The following PTPRE variants were observed in gnomAD, a reference collection of about 807,000 sequenced individuals.
PTPRE encodes receptor-type tyrosine-protein phosphatase epsilon.
In PTPRE, 51 loss-of-function variants were observed where a neutral mutation model predicts 102.0. The observed-to-expected ratio is 0.50, with a 90% CI of 0.40 to 0.63. The LOEUF is 0.63. PTPRE is among the 30% of genes least tolerant of loss of function. PTPRE has a pLI of 0.00. For synonymous variants in PTPRE, 345 were observed against 348.2 expected, an observed-to-expected ratio of 0.99 and a Z score of 0.10; for missense variants, 752 against 915.1, an observed-to-expected ratio of 0.82 and a Z score of 2.30.
intron 1 of PTPRE, among the ~76,000 whole-genome samples, chr10:127,927,524 C>T (rs189021967): frequency 6.6e-6 from 1 of 152,278 alleles, no homozygotes; most frequent in Admixed American, 6.5e-5. Flanking sequence ...TGTTCAGGGC[C>T]ATGTAACCAG....
intron 2 of PTPRE, chr10:127,999,408 C>T (rs1167037142): frequency 9.3e-6 from 3 of 323,898 alleles, no homozygotes; most frequent in South Asian, 2.4e-4. Flanking sequence ...ATGTGAACCA[C>T]GGGGGGAATC....
At position 127,907,248 on chromosome 10, in the gene PTPRE, G is replaced by T. The variant is rs1845534387; in HGVS notation, c.-92G>T. The stretch of plus-strand genomic sequence containing the variant: ...GCGCCCCGGAGGGCGGCGGGCAGGC[G>T]CCCGGGAGATGCGGAGCCTCCGCTG... On this transcript the variant is annotated 5_prime_UTR_variant, in exon 1 of 21. Coordinates refer to ENST00000254667, the MANE Select transcript of PTPRE (RefSeq NM_006504.6). This position sits in a 1 kb window ranked among gnomAD's most constrained non-coding sequence, Gnocchi z 4.8. 1 of 984,576 alleles carries T rather than the reference G, an allele frequency of 1.0e-6. No individual in the cohort carries two copies. Among genetic ancestry groups the T allele is most frequent in the Non-Finnish European group, 1.2e-6 (1 of 829,654 alleles). 61.0% of individuals were successfully genotyped at this position (984,576 alleles called of 1,614,324 possible). A position where few individuals can be genotyped will look rare whatever the true frequency, so the allele number is the denominator to read the frequency against.
In PTPRE at chr10:128,020,166, C is replaced by T. The variant is rs745898969; in HGVS notation, c.-7-20709C>T. Among the ~76,000 whole-genome samples, 8 of 152,300 alleles carry T rather than the reference C, an allele frequency of 5.3e-5. No individual in the cohort carries two copies. In the East Asian group the frequency reaches 9.6e-4, roughly 18 times the overall value. ...GCTCAAAGCAAGAATAATTAATAAG[C>T]CCACACTTTTCCACAGCAGACCTTC... On this transcript the variant is annotated intron_variant, in intron 2 of 20. Transcript: ENST00000254667.
At chr10:128,077,436 CCTT>C (rs1280355090) in intron 18 of PTPRE, among the ~76,000 whole-genome samples, 178 bp from the exon 19 acceptor site, 4 of 152,182 alleles carry the variant, frequency 2.6e-5, no homozygotes, top group African/African-American at 7.2e-5. Context: ...CAGCCACCTG[CCTT>C]CTTCTTTAGG....
intron 1 of PTPRE, among the ~76,000 whole-genome samples, chr10:127,957,948 C>A (rs910977394): frequency 6.6e-5 from 10 of 152,168 alleles, no homozygotes; most frequent in African/African-American, 2.4e-4. Flanking sequence ...TTTAGGGATG[C>A]TAATATAAAT....
At chr10:127,927,779 G>T (rs1445499510) in intron 1 of PTPRE, among the ~76,000 whole-genome samples, 1 of 152,168 alleles carries the variant, frequency 6.6e-6, no homozygotes, top group African/African-American at 2.4e-5. Context: ...GGGTAGTTTA[G>T]TCGTATCAGT....
intron 2 of PTPRE, among the ~76,000 whole-genome samples, chr10:127,988,000 C>T (rs947937392): frequency 1.3e-5 from 2 of 152,200 alleles, no homozygotes; most frequent in Non-Finnish European, 1.5e-5. Flanking sequence ...GCGATATTGT[C>T]GGCTGCAGAT....
intron 1 of PTPRE, among the ~76,000 whole-genome samples, chr10:127,927,675 C>T (rs565101699): frequency 7.9e-5 from 12 of 152,280 alleles, no homozygotes; most frequent in African/African-American, 2.6e-4. Context: ...AGTTTTGTGC[C>T]ACCTTCTGGA....
Position 128,085,606 on chromosome 10 carries a change from ATTCTT to A in PTPRE, c.*2703_*2707del, listed in dbSNP as rs1444330464. 2.6e-5 allele frequency: 4 copies of A among 152,670 alleles called. No individual in the cohort carries two copies. Among genetic ancestry groups the A allele is most frequent in the African/African-American group, 9.7e-5 (4 of 41,438 alleles). 9.5% of individuals were successfully genotyped at this position (152,670 alleles called of 1,614,324 possible). A position where few individuals can be genotyped will look rare whatever the true frequency, so the allele number is the denominator to read the frequency against. ...CAGCATTTGGAGACATCCCCATGTT[ATTCTT>A]TTAAGTGTATAATTACTGATACTTT... is the stretch of plus-strand genomic sequence containing the variant. On this transcript the variant is annotated 3_prime_UTR_variant, in exon 21 of 21. Transcript: ENST00000254667.
At chr10:127,999,494 C>G (rs1361414806) in intron 2 of PTPRE, 1 of 980,888 alleles carries the variant, frequency 1.0e-6, no homozygotes, top group Non-Finnish European at 1.2e-6. Flanking sequence ...GCAGGGCGCT[C>G]TCGCCTTCTG....
chr10:127,932,521 C>G (rs1346179928), intron 1 of PTPRE, among the ~76,000 whole-genome samples: 1 of 152,202 alleles, frequency 6.6e-6, no homozygotes, highest in Non-Finnish European at 1.5e-5. Context: ...TCTCTCCAGC[C>G]TTTTGCGCAT....
intron 2 of PTPRE, among the ~76,000 whole-genome samples, chr10:127,984,781 T>C (rs1851942973): frequency 6.6e-6 from 1 of 152,204 alleles, no homozygotes; most frequent in Admixed American, 6.5e-5. Context: ...GAGACGTGCC[T>C]TTCACCTTCA....
chr10:128,007,259 C>A (rs1467056989), intron 2 of PTPRE, among the ~76,000 whole-genome samples: 4 of 152,080 alleles, frequency 2.6e-5, no homozygotes, highest in African/African-American at 7.2e-5. Context: ...TTTCATAAAC[C>A]TTTTGGCTAG....
intron 1 of PTPRE, among the ~76,000 whole-genome samples, chr10:127,950,081 C>T (rs1848908640): frequency 6.6e-6 from 1 of 152,012 alleles, no homozygotes; most frequent in African/African-American, 2.4e-5. Context: ...GAAGTCCCAG[C>T]AGCCCCTACA....
In PTPRE at chr10:128,047,746, G is replaced by A. The variant is rs7911904; in HGVS notation, c.210-18G>A. On this transcript the variant is annotated intron_variant, in intron 4 of 20. Coordinates refer to ENST00000254667, the MANE Select transcript of PTPRE (RefSeq NM_006504.6). ...GAACCTAGAAGTGTGGAAACCTAAC[G>A]CATCCTGTGTCTCTAAGGTTCAGGA... 1,259,636 of 1,611,744 alleles carry A rather than the reference G, an allele frequency of 0.78. 493,064 individuals carry two copies. Among genetic ancestry groups the A allele is most frequent in the Admixed American group, 0.86 (51,302 of 59,970 alleles).
chr10:127,937,773 C>T (rs562921555), intron 1 of PTPRE, among the ~76,000 whole-genome samples: 88 of 152,158 alleles, frequency 5.8e-4, no homozygotes, highest in Admixed American at 1.8e-3. Flanking sequence ...GTGGAAGGAT[C>T]GCTTGAACCC....
intron 2 of PTPRE, among the ~76,000 whole-genome samples, chr10:128,004,890 A>T (rs1404061101): frequency 1.3e-5 from 2 of 152,204 alleles, no homozygotes; most frequent in African/African-American, 4.8e-5. Flanking sequence ...ATCCGTGCCA[A>T]CACTGGGCTT....
At chr10:127,962,891 A>T (rs962823139) in intron 1 of PTPRE, among the ~76,000 whole-genome samples, 1 of 152,172 alleles carries the variant, frequency 6.6e-6, no homozygotes, top group Non-Finnish European at 1.5e-5. Context: ...CACAGGAAGG[A>T]TCTTGCATCC....
At position 128,028,081 on chromosome 10, in the gene PTPRE, C is replaced by A. The variant is rs768888606; in HGVS notation, c.-7-12794C>A. ...GGGGCGTGGGAGTCTCCAGAGGCAG[C>A]GAGCCCAGGACACTGATGGTGCAGA... On this transcript the variant is annotated intron_variant, in intron 2 of 20. Transcript: ENST00000254667. This position sits in a 1 kb window ranked among gnomAD's most constrained non-coding sequence, Gnocchi z 4.5. Among the ~76,000 whole-genome samples the A allele has an allele frequency of 6.6e-6, 1 of 152,198 alleles. No homozygotes were observed. Among genetic ancestry groups the A allele is most frequent in the African/African-American group, 2.4e-5 (1 of 41,452 alleles).
Sources: gnomAD v4.1 joint callset for allele counts (sites outside exome capture counted in the v4.1 genomes callset) on GRCh38, gnomAD v4.1.1 for gene constraint, Gnocchi (gnomAD v3.1) non-coding constraint, MANE v1.5 for transcripts, NCBI Gene and HGNC (gene_info 2026-07-23, HGNC 2026-07-21) for gene names.